The following ADGRL4 variants were observed in gnomAD, a reference collection of about 807,000 sequenced individuals.
ADGRL4 encodes EGF, latrophilin and seven transmembrane domain containing 1.
A neutral mutation model predicts 74.8 loss-of-function variants in ADGRL4; 90 were observed. The ratio of observed to expected loss-of-function variants is 1.20; its 90% CI spans 1.02 to 1.43. The LOEUF (loss-of-function observed/expected upper bound fraction) is 1.43, where lower values mean the gene tolerates loss of function less well. Ranked by LOEUF, ADGRL4 falls within the 40% of genes most tolerant of loss-of-function variation. ADGRL4 has a pLI of 0.00. For missense variants in ADGRL4, 881 were observed against 814.3 expected (o/e 1.08, Z -1.00); for synonymous variants, 311 against 279.2 (o/e 1.11, Z -1.14).
At chr1:78,969,256 C>A (rs1246172286) in intron 2 of ADGRL4, among the ~76,000 whole-genome samples, 1 of 152,148 alleles carries the variant, frequency 6.6e-6, no homozygotes, top group African/African-American at 2.4e-5. Context: ...ATCCATTTTT[C>A]TTTTGCAACA....
intron 12 of ADGRL4, among the ~76,000 whole-genome samples, chr1:78,910,931 T>C (rs1648749856): frequency 6.6e-6 from 1 of 151,846 alleles, no homozygotes; most frequent in South Asian, 2.1e-4. Flanking sequence ...ATTACTTTAG[T>C]AAGATCAATG....
At chr1:78,901,306 G>A (rs1278120924) in intron 12 of ADGRL4, among the ~76,000 whole-genome samples, 2 of 152,144 alleles carry the variant, frequency 1.3e-5, no homozygotes, top group Non-Finnish European at 2.9e-5. Context: ...AAAACCCCAA[G>A]GATGTCACCC....
chr1:78,972,985 A>G (rs1182269744), intron 2 of ADGRL4, among the ~76,000 whole-genome samples: 2 of 152,164 alleles, frequency 1.3e-5, no homozygotes, highest in African/African-American at 4.8e-5. Context: ...TGCAAAGCAC[A>G]TACTTCTGTA....
chr1:78,977,113 G>A (rs1650301706), intron 2 of ADGRL4, among the ~76,000 whole-genome samples: 1 of 151,594 alleles, frequency 6.6e-6, no homozygotes, highest in Non-Finnish European at 1.5e-5. Flanking sequence ...GTTAAATTAT[G>A]CTTACACCCT....
At chr1:78,921,557 C>T (rs3811440) in intron 9 of ADGRL4, 56 bp downstream of exon 9, 314,300 of 1,117,674 alleles carry the variant, frequency 0.28, 46,167 homozygotes, top group Middle Eastern at 0.32. Flanking sequence ...TCGAATGATG[C>T]GGAAAAAAAA....
chr1:78,926,565 A>C (rs1017179055), intron 8 of ADGRL4, among the ~76,000 whole-genome samples: 1 of 151,966 alleles, frequency 6.6e-6, no homozygotes, highest in African/African-American at 2.4e-5. Flanking sequence ...TATTTCTCTG[A>C]TTGTGATACT....
At position 78,921,736 on chromosome 1, in the gene ADGRL4, A is replaced by G; in HGVS notation, c.1134T>C (p.Asp378=). The change falls in exon 9 of 15, where the codon GAT becomes GAC. Residue 378 remains aspartate (D), a synonymous_variant. Transcript: ENST00000370742. The part of the protein sequence containing the change: ...SLCAFWNYSP[D]TMNGSWSSEG... ...CTGAAGACCAGCTGCCATTCATGGT[A>G]TCAGGTGAGTAATTCCAAAATGCAC... 6.2e-7 allele frequency: 1 copy of G among 1,602,936 alleles called. No individual in the cohort carries two copies. Among genetic ancestry groups the G allele is most frequent in the Non-Finnish European group, 8.5e-7 (1 of 1,174,650 alleles).
At chr1:78,995,238 A>G (rs1443041630) in intron 2 of ADGRL4, among the ~76,000 whole-genome samples, 1 of 152,200 alleles carries the variant, frequency 6.6e-6, no homozygotes, top group Non-Finnish European at 1.5e-5. Context: ...CACTGATCAT[A>G]TGACATTTAA....
chr1:78,939,285 A>G (rs973828568), intron 3 of ADGRL4, 27 bp from the exon 4 acceptor site: 1 of 1,527,766 alleles, frequency 6.5e-7, no homozygotes, highest in Non-Finnish European at 8.8e-7. Context: ...TAGATTATAC[A>G]GTCAGTTTTA....
rs1200458507 is a variant in ADGRL4, at chr1:78,921,652, C to T, written c.1218G>A (p.Leu406=). The T allele has an allele frequency of 1.3e-6, 2 of 1,586,030 alleles. No homozygotes were observed. The highest frequency in any genetic ancestry group is 2.7e-5 in the African/African-American group (2 of 72,962). ...AGGACATCAAAATTGCAAAATGTGT[C>T]AGGTGATTACAGCGGCATGAGGTGT... ...ETHTSCRCNH[L]THFAILMSSG... is the part of the protein sequence containing the mutation. The change falls in exon 9 of 15, where the codon CTG becomes CTA. Residue 406 remains leucine (L), a synonymous_variant. Coordinates refer to ENST00000370742, the MANE Select transcript of ADGRL4 (RefSeq NM_022159.4).
At position 78,917,887 on chromosome 1, in the gene ADGRL4, G is replaced by A; in HGVS notation, c.1625C>T (p.Ala542Val). 6.2e-7 allele frequency: 1 copy of A among 1,612,462 alleles called. No individual in the cohort carries two copies. Among genetic ancestry groups the A allele is most frequent in the Non-Finnish European group, 8.5e-7 (1 of 1,179,100 alleles). The stretch of plus-strand genomic sequence containing the variant: ...TGCTGCCGAAAATCCAACTACCACG[G>A]CTGGGCTTAGATAGCCAAAGATATA... ...NFYIFGYLSPAVVVGFSAALG... is the reference protein window; with the variant it reads ...NFYIFGYLSPVVVVGFSAALG... The change falls in exon 11 of 15, where the codon GCC becomes GTC. Residue 542 changes from alanine (A) to valine (V), a missense_variant. Physicochemically the swap from Ala to Val is moderately conservative, Grantham distance 64. Transcript: ENST00000370742.
chr1:78,945,177 A>AAAAAAATATATATATATAT (rs376405445), intron 3 of ADGRL4, among the ~76,000 whole-genome samples: 2 of 127,922 alleles, frequency 1.6e-5, no homozygotes, highest in African/African-American at 5.9e-5. Flanking sequence ...AAAAAAAAAA[A>AAAAAAATATATATATATAT]ATATATATAT....
chr1:78,922,426 A>G (rs1427852830), intron 8 of ADGRL4, among the ~76,000 whole-genome samples: 1 of 152,012 alleles, frequency 6.6e-6, no homozygotes, highest in African/African-American at 2.4e-5. Context: ...GTTAGAGCAC[A>G]GTGAGTGAGG....
At chr1:78,927,728 T>C (rs147224562) in intron 7 of ADGRL4, among the ~76,000 whole-genome samples, 9 of 152,192 alleles carry the variant, frequency 5.9e-5, no homozygotes, top group African/African-American at 2.2e-4. Flanking sequence ...CAAATATTAA[T>C]ATCATCAAAT....
intron 2 of ADGRL4, among the ~76,000 whole-genome samples, chr1:78,977,033 CACTT>C (rs1201022933): frequency 6.6e-6 from 1 of 151,650 alleles, no homozygotes; most frequent in Non-Finnish European, 1.5e-5. Flanking sequence ...ATAATTGTAA[CACTT>C]AATCCAACTA....
chr1:78,947,953 A>T (rs1265757864), intron 2 of ADGRL4, among the ~76,000 whole-genome samples: 1 of 152,132 alleles, frequency 6.6e-6, no homozygotes, highest in Non-Finnish European at 1.5e-5. Context: ...AAAGTTGAAG[A>T]TTATTCCAAA....
chr1:78,938,425 A>G (rs755745175), intron 4 of ADGRL4, 146 bp from the exon 5 acceptor site: 4 of 504,932 alleles, frequency 7.9e-6, no homozygotes, highest in African/African-American at 2.0e-5. Flanking sequence ...CTAAACCATA[A>G]CATGCATCAT....
Position 78,891,178 on chromosome 1 carries a change from GGGGAC to G in ADGRL4, c.2044_2048del (p.Val682LeufsTer15). The G allele has an allele frequency of 6.2e-7, 1 of 1,610,844 alleles. No individual in the cohort carries two copies. The highest frequency in any genetic ancestry group is 8.5e-7 in the Non-Finnish European group (1 of 1,178,140). ...TTTACCTTAAACATCCAAAACAACAGGGGACATTTTTGAACAATCTGTAATATTCT... is the reference window on the plus strand; with the variant it reads ...TTTACCTTAAACATCCAAAACAACAGATTTTTGAACAATCTGTAATATTCT... On this transcript the variant is annotated frameshift_variant, in exon 15 of 15. Coordinates refer to ENST00000370742, the MANE Select transcript of ADGRL4 (RefSeq NM_022159.4). LOFTEE classifies it high-confidence loss of function.
intron 12 of ADGRL4, among the ~76,000 whole-genome samples, chr1:78,910,012 T>C (rs1339685401): frequency 1.3e-5 from 2 of 151,846 alleles, no homozygotes; most frequent in Non-Finnish European, 2.9e-5. Context: ...TTACAGATAA[T>C]AGACAATTCA....
Sources: allele counts gnomAD v4.1 joint callset (sites outside exome capture counted in the v4.1 genomes callset), GRCh38; gene constraint gnomAD v4.1.1; transcripts MANE v1.5; gene names NCBI Gene and HGNC (gene_info 2026-07-23, HGNC 2026-07-21).